Variants in JMJD1C observed in about 807,000 individuals in gnomAD.
The protein encoded by JMJD1C is jumonji domain containing 1C.
In JMJD1C, 31 loss-of-function variants were observed where a neutral mutation model predicts 245.3. The observed-to-expected ratio is 0.13, with a 90% confidence interval of 0.09 to 0.17. JMJD1C has a LOEUF of 0.17. Among genes scored for constraint, JMJD1C ranks in the 10% least tolerant of loss-of-function variants. The pLI is 1.00. For synonymous variants in JMJD1C, 1,057 were observed against 1,017.4 expected (o/e 1.04, Z -0.74); for missense variants, 2,691 against 3,000.2 (o/e 0.90, Z 2.41).
At chr10:63,518,006 T>C (rs1470387990) in intron 1 of JMJD1C, among the ~76,000 whole-genome samples, 1 of 152,176 alleles carries the variant, frequency 6.6e-6, no homozygotes, top group Non-Finnish European at 1.5e-5. Context: ...TTGGCCAGGA[T>C]GGCCTCGAAC....
intron 3 of JMJD1C, among the ~76,000 whole-genome samples, chr10:63,258,311 T>C (rs772196476): frequency 3.3e-5 from 5 of 152,170 alleles, no homozygotes; most frequent in Admixed American, 6.5e-5. Flanking sequence ...AAATTCATGC[T>C]CTTAACCATT....
intron 2 of JMJD1C, among the ~76,000 whole-genome samples, chr10:63,280,337 C>A (rs936776941): frequency 6.6e-6 from 1 of 151,964 alleles, no homozygotes; most frequent in Non-Finnish European, 1.5e-5. Flanking sequence ...ATCACAAGGT[C>A]AAGAGATTGA....
chr10:63,197,698 A>G (rs1845602931), intron 12 of JMJD1C, 135 bp from the exon 13 acceptor site: 3 of 642,698 alleles, frequency 4.7e-6, no homozygotes. Flanking sequence ...GAAGACCAAT[A>G]GCTTTCTTGA....
At chr10:63,197,260 G>T in intron 13 of JMJD1C, 151 bp downstream of exon 13, 1 of 616,368 alleles carries the variant, frequency 1.6e-6, no homozygotes, top group Non-Finnish European at 2.7e-6. Flanking sequence ...AATAAACTGT[G>T]GTTACTTCTC....
At chr10:63,199,753 T>G (rs1845825723) in intron 11 of JMJD1C, among the ~76,000 whole-genome samples, 1 of 152,178 alleles carries the variant, frequency 6.6e-6, no homozygotes, top group Admixed American at 6.5e-5. Flanking sequence ...CCTGGTTCAT[T>G]CTTATCAACA....
At chr10:63,191,239 C>T in intron 16 of JMJD1C, 131 bp from the exon 17 acceptor site, 1 of 658,612 alleles carries the variant, frequency 1.5e-6, no homozygotes, top group Non-Finnish European at 2.6e-6. Flanking sequence ...TCAAGTGGTT[C>T]TCCTGTCTCA....
At chr10:63,295,069 TA>T (rs999145394) in intron 2 of JMJD1C, among the ~76,000 whole-genome samples, 29 of 148,214 alleles carry the variant, frequency 2.0e-4, no homozygotes, top group Non-Finnish European at 1.5e-4. Context: ...CTGAAGTAGT[TA>T]AAAAAAAAAG....
chr10:63,521,541 T>A (rs998893948), intron 1 of JMJD1C: 50 of 1,374,476 alleles, frequency 3.6e-5, no homozygotes, highest in Non-Finnish European at 4.6e-5. Context: ...CAAGCCCCCG[T>A]GAAGATGGTG....
At chr10:63,219,168 T>C (rs1205274397) in intron 4 of JMJD1C, among the ~76,000 whole-genome samples, 2 of 152,162 alleles carry the variant, frequency 1.3e-5, no homozygotes, top group Non-Finnish European at 2.9e-5. Context: ...AATATGTAGA[T>C]GATCCACTAC....
intron 1 of JMJD1C, among the ~76,000 whole-genome samples, chr10:63,431,335 C>A (rs767818373): frequency 6.6e-6 from 1 of 152,112 alleles, no homozygotes; most frequent in South Asian, 2.1e-4. Context: ...GATTAATGTA[C>A]AGAAATATGT....
At chr10:63,487,395 A>C (rs1248529026) in intron 1 of JMJD1C, among the ~76,000 whole-genome samples, 2 of 152,190 alleles carry the variant, frequency 1.3e-5, no homozygotes. Flanking sequence ...AATGTCTGGA[A>C]ACAATTTTGT....
chr10:63,295,289 G>A (rs1043141950), intron 2 of JMJD1C, among the ~76,000 whole-genome samples: 1 of 151,120 alleles, frequency 6.6e-6, no homozygotes, highest in African/African-American at 2.4e-5. Context: ...GTAGAGACAG[G>A]GTCTCACTCA....
intron 2 of JMJD1C, among the ~76,000 whole-genome samples, chr10:63,316,434 T>C (rs956941569): frequency 6.6e-6 from 1 of 152,172 alleles, no homozygotes; most frequent in African/African-American, 2.4e-5. Flanking sequence ...GCTTGTAATT[T>C]TCTTTTATTC....
At chr10:63,296,283 T>TACAG (rs1859424990) in intron 2 of JMJD1C, among the ~76,000 whole-genome samples, 2 of 151,902 alleles carry the variant, frequency 1.3e-5, no homozygotes, top group African/African-American at 4.8e-5. Flanking sequence ...GTGCTGGGAT[T>TACAG]ACAGGCATGA....
chr10:63,384,595 A>G (rs575619816), intron 1 of JMJD1C, among the ~76,000 whole-genome samples: 41 of 152,290 alleles, frequency 2.7e-4, no homozygotes. Context: ...GGCTTAAAAT[A>G]TTTAGAAAAA....
At chr10:63,511,385 A>G (rs1247434041) in intron 1 of JMJD1C, among the ~76,000 whole-genome samples, 1 of 152,198 alleles carries the variant, frequency 6.6e-6, no homozygotes, top group African/African-American at 2.4e-5. Context: ...GTCCTCTTAT[A>G]TGCAGATGTC....
chr10:63,316,366 T>C (rs948994774), intron 2 of JMJD1C, among the ~76,000 whole-genome samples: 25 of 152,226 alleles, frequency 1.6e-4, no homozygotes, highest in African/African-American at 5.5e-4. Context: ...TTTTGAGGCA[T>C]TTGGTTATGA....
chr10:63,430,008 G>T (rs948049110), intron 1 of JMJD1C, among the ~76,000 whole-genome samples: 6 of 151,972 alleles, frequency 3.9e-5, no homozygotes, highest in Non-Finnish European at 2.9e-5. Flanking sequence ...TCAATATTAA[G>T]AATAAAAAAA....
chr10:63,268,210 T>A (rs1298545739), intron 2 of JMJD1C, among the ~76,000 whole-genome samples: 1 of 140,894 alleles, frequency 7.1e-6, no homozygotes, highest in Admixed American at 7.6e-5. Flanking sequence ...AGCAACATTT[T>A]AGAAGTTAAG....
Sources: allele counts gnomAD v4.1 joint callset (sites outside exome capture counted in the v4.1 genomes callset), GRCh38; gene constraint gnomAD v4.1.1; transcripts MANE v1.5; gene names NCBI Gene and HGNC (gene_info 2026-07-23, HGNC 2026-07-21).